Variants in ROBO2 observed in about 807,000 individuals in gnomAD.
ROBO2 encodes the protein roundabout homolog 2.
Under a neutral mutation model 160.8 loss-of-function variants are expected in ROBO2, and 53 were observed. The observed-to-expected ratio is 0.33, with a 90% CI of 0.26 to 0.41. The LOEUF (loss-of-function observed/expected upper bound fraction) is 0.41. Among genes scored for constraint, ROBO2 ranks in the 10% least tolerant of loss-of-function variants. The pLI is 1.00. For synonymous variants in ROBO2, 664 were observed against 611.7 expected, an observed-to-expected ratio of 1.09 and a Z score of -1.26; for missense variants, 1,577 against 1,722.4, an observed-to-expected ratio of 0.92 and a Z score of 1.49.
At chr3:76,523,015 T>TA (rs1553784863) in intron 2 of ROBO2, among the ~76,000 whole-genome samples, 35 of 148,108 alleles carry the variant, frequency 2.4e-4, no homozygotes, top group Admixed American at 3.4e-4. Flanking sequence ...ATAAAATATA[T>TA]AATATATTTT....
chr3:76,059,361 A>G (rs201097663), intron 2 of ROBO2, among the ~76,000 whole-genome samples: 3,109 of 152,154 alleles, frequency 0.02, 44 homozygotes, highest in East Asian at 0.081. Flanking sequence ...GTGAGATGGT[A>G]TCTCATTGTG....
chr3:77,165,036 C>T (rs1305499285), intron 2 of ROBO2, among the ~76,000 whole-genome samples: 4 of 152,010 alleles, frequency 2.6e-5, no homozygotes, highest in South Asian at 2.1e-4. Flanking sequence ...CCCCTCTGCC[C>T]GGCCACCACC....
intron 2 of ROBO2, among the ~76,000 whole-genome samples, chr3:76,293,182 A>C (rs903960704): frequency 1.3e-5 from 2 of 152,224 alleles, no homozygotes; most frequent in Admixed American, 6.5e-5. Flanking sequence ...ACTAGAATAC[A>C]CTGAGACCCG....
At chr3:77,436,715 A>G (rs956276302) in intron 2 of ROBO2, among the ~76,000 whole-genome samples, 5 of 151,906 alleles carry the variant, frequency 3.3e-5, no homozygotes, top group African/African-American at 1.2e-4. Flanking sequence ...TGGAAATCAC[A>G]TATTAGAAAG....
At position 77,131,477 on chromosome 3, in the gene ROBO2, G is replaced by T. The variant is rs188431214; in HGVS notation, c.388+33137G>T. ...ATGTACGTTTAAGATAGCTGCATTA[G>T]TGGTTAAAGAATGCTAAGCAAAAAC... On this transcript the variant is annotated intron_variant, in intron 2 of 25. Transcript: ENST00000461745. Among the ~76,000 whole-genome samples, 409 of 152,214 alleles carry T rather than the reference G, an allele frequency of 2.7e-3. 2 individuals carry two copies. Among genetic ancestry groups the T allele is most frequent in the African/African-American group, 9.4e-3 (391 of 41,554 alleles).
intron 2 of ROBO2, among the ~76,000 whole-genome samples, chr3:77,201,780 T>G (rs1243031240): frequency 6.6e-6 from 1 of 152,176 alleles, no homozygotes; most frequent in East Asian, 1.9e-4. Flanking sequence ...ATGGGTATTA[T>G]TTCCATGAGG....
At chr3:76,240,889 T>A (rs1705244573) in intron 2 of ROBO2, among the ~76,000 whole-genome samples, 1 of 152,182 alleles carries the variant, frequency 6.6e-6, no homozygotes, top group African/African-American at 2.4e-5. Context: ...CAGAACTTAG[T>A]AAATGAGAAA....
chr3:77,054,869 C>T (rs1490244923), intron 1 of ROBO2, among the ~76,000 whole-genome samples: 3 of 151,800 alleles, frequency 2.0e-5, no homozygotes, highest in African/African-American at 4.8e-5. Context: ...GGCATCCTGC[C>T]GTAATGTCAC....
intron 2 of ROBO2, among the ~76,000 whole-genome samples, chr3:77,426,079 G>A (rs180723393): frequency 6.6e-6 from 1 of 152,118 alleles, no homozygotes; most frequent in African/African-American, 2.4e-5. Context: ...GGTTGGATTG[G>A]GAGGGAGCAA....
intron 2 of ROBO2, among the ~76,000 whole-genome samples, chr3:77,003,430 A>G (rs936206725): frequency 2.6e-5 from 4 of 152,228 alleles, no homozygotes; most frequent in African/African-American, 9.6e-5. Flanking sequence ...GTACATACTC[A>G]GTGCTCAACA....
chr3:76,997,480 C>T (rs545452056), intron 2 of ROBO2, among the ~76,000 whole-genome samples: 31 of 152,190 alleles, frequency 2.0e-4, no homozygotes, highest in African/African-American at 7.2e-4. Context: ...ATGATCCTTC[C>T]GTATGATGCT....
At chr3:76,741,933 T>A (rs888210728) in intron 2 of ROBO2, among the ~76,000 whole-genome samples, 1 of 152,082 alleles carries the variant, frequency 6.6e-6, no homozygotes, top group Non-Finnish European at 1.5e-5. Context: ...GAGGCCTTTA[T>A]AAGAGTTATG....
In ROBO2 at chr3:77,580,131, C is replaced by T; in HGVS notation, c.2500+13C>T. 1 of 1,613,216 alleles carries T rather than the reference C, an allele frequency of 6.2e-7. No individual in the cohort carries two copies. Among genetic ancestry groups the T allele is most frequent in the Non-Finnish European group, 8.5e-7 (1 of 1,179,294 alleles). On this transcript the variant is annotated intron_variant, in intron 16 of 25. Coordinates refer to ENST00000461745, the Ensembl canonical transcript of ROBO2. ...CCAATAATAATCGGTGAGTATCAAA[C>T]TATGTGGTCTGTGCTTTAGAATCAG... is the stretch of plus-strand genomic sequence containing the variant.
At chr3:76,530,533 T>G (rs1358438391) in intron 2 of ROBO2, among the ~76,000 whole-genome samples, 1 of 152,180 alleles carries the variant, frequency 6.6e-6, no homozygotes, top group Non-Finnish European at 1.5e-5. Context: ...TCTGTCATAA[T>G]TTATTCTTTG....
intron 2 of ROBO2, among the ~76,000 whole-genome samples, chr3:77,131,197 G>T (rs1445271645): frequency 6.6e-6 from 1 of 152,080 alleles, no homozygotes; most frequent in Non-Finnish European, 1.5e-5. Context: ...GTTGAAAGAT[G>T]CTCCCCTCCA....
intron 2 of ROBO2, among the ~76,000 whole-genome samples, chr3:76,190,844 A>AAG (rs1701973874): frequency 6.6e-6 from 1 of 152,148 alleles, no homozygotes; most frequent in South Asian, 2.1e-4. Flanking sequence ...CTTGACGTCA[A>AAG]AGAGAGACAC....
Position 75,987,084 on chromosome 3 carries a change from G to C in ROBO2, c.109+49482G>C, listed in dbSNP as rs896302478. Among the ~76,000 whole-genome samples, 12 of 151,854 alleles carry C rather than the reference G, an allele frequency of 7.9e-5. No individual in the cohort carries two copies. The East Asian group carries it at 2.3e-3, about 29-fold the overall frequency. ...GATTTTTCATATACATTTTAGAATA[G>C]ATTATTTCTTTCTATAAAAATTGTT... On this transcript the variant is annotated intron_variant, in intron 2 of 26. Coordinates refer to the ROBO2 transcript ENST00000487694.
At chr3:76,658,467 C>A (rs537155962) in intron 2 of ROBO2, among the ~76,000 whole-genome samples, 1 of 152,156 alleles carries the variant, frequency 6.6e-6, no homozygotes, top group African/African-American at 2.4e-5. Context: ...GGTGTTTCTC[C>A]TAATGCTCTC....
intron 2 of ROBO2, among the ~76,000 whole-genome samples, chr3:75,961,266 ATAT>A: frequency 6.6e-6 from 1 of 151,802 alleles, no homozygotes; most frequent in South Asian, 2.1e-4. Flanking sequence ...AAGCTAGAAC[ATAT>A]TATATATTTA....
Sources: gnomAD v4.1 joint callset for allele counts (sites outside exome capture counted in the v4.1 genomes callset) on GRCh38, gnomAD v4.1.1 for gene constraint, MANE v1.5 for transcripts, NCBI Gene and HGNC (gene_info 2026-07-23, HGNC 2026-07-21) for gene names.